The following CPD variants were observed in gnomAD, a reference collection of about 807,000 sequenced individuals.
CPD encodes metallocarboxypeptidase D.
Under a neutral mutation model 138.3 loss-of-function variants are expected in CPD, and 69 were observed. The ratio of observed to expected loss-of-function variants is 0.50; its 90% CI spans 0.41 to 0.61. The LOEUF (loss-of-function observed/expected upper bound fraction) is 0.61, where lower values mean the gene tolerates loss of function less well. CPD is among the 20% of genes least tolerant of loss of function. The pLI is 0.00. For synonymous variants in CPD, 651 were observed against 642.1 expected (o/e 1.01, Z -0.21); for missense variants, 1,432 against 1,733.3 (o/e 0.83, Z 3.09).
At chr17:30,460,757 C>A (rs767360573) in intron 17 of CPD, among the ~76,000 whole-genome samples, 1 of 152,118 alleles carries the variant, frequency 6.6e-6, no homozygotes, top group Non-Finnish European at 1.5e-5. Context: ...GATATTGTCA[C>A]CAGCAGGGGT....
At chr17:30,421,273 A>G (rs1912259818) in intron 3 of CPD, among the ~76,000 whole-genome samples, 2 of 152,150 alleles carry the variant, frequency 1.3e-5, no homozygotes, top group South Asian at 4.1e-4. Context: ...TTGTACTCTC[A>G]GGTTCTTACA....
rs139068259 is a variant in CPD, at chr17:30,448,837, G to A, written c.2874-716G>A. ...AAAAAGGGAGGGCCAGGGTGGTGGC[G>A]CATGCTGTAATCCCAGCACTTTGGG... On this transcript the variant is annotated intron_variant, in intron 12 of 20. Transcript: ENST00000225719. Among the ~76,000 whole-genome samples, 58 of 151,872 alleles carry A rather than the reference G, an allele frequency of 3.8e-4. 1 individual carries two copies. The East Asian group carries it at 9.1e-3, about 24-fold the overall frequency.
intron 10 of CPD, among the ~76,000 whole-genome samples, chr17:30,443,089 C>G (rs1387152630): frequency 6.6e-6 from 1 of 151,872 alleles, no homozygotes; most frequent in Non-Finnish European, 1.5e-5. Flanking sequence ...ATAATTATTC[C>G]TATACCTAGA....
intron 2 of CPD, among the ~76,000 whole-genome samples, chr17:30,416,843 C>T (rs192933425): frequency 2.6e-4 from 39 of 152,296 alleles, no homozygotes; most frequent in African/African-American, 9.1e-4. Context: ...TGGCTCACGC[C>T]TGTAATCCCA....
At chr17:30,462,178 C>A in intron 19 of CPD, 116 bp downstream of exon 19, 1 of 1,129,354 alleles carries the variant, frequency 8.9e-7, no homozygotes, top group Non-Finnish European at 1.2e-6. Context: ...AAAAGTGTGA[C>A]TGCCTCTTGA....
intron 9 of CPD, among the ~76,000 whole-genome samples, chr17:30,439,394 C>CTTTTTTTTTTTTT (rs71138889): frequency 4.8e-4 from 60 of 124,640 alleles, no homozygotes; most frequent in African/African-American, 6.5e-4. Flanking sequence ...ACGTTACTTT[C>CTTTTTTTTTTTTT]TTTTTTTTTT....
Position 30,461,191 on chromosome 17 carries a change from C to A in CPD, c.3510C>A (p.Val1170=). 1.3e-6 allele frequency: 2 copies of A among 1,597,354 alleles called. No individual in the cohort carries two copies. Among genetic ancestry groups the A allele is most frequent in the African/African-American group, 1.3e-5 (1 of 74,290 alleles). ...SHLGSMKDYS[V]TYGHCPEITV... ...ACTTTATATTCTAGGATTATAGTGT[C>A]ACCTATGGCCATTGTCCGGAAATCA... Residue 1170 remains valine, a synonymous_variant, in exon 18 of 21, where the codon GTC becomes GTA. Transcript: ENST00000225719.
At chr17:30,435,829 G>A (rs891988295) in intron 8 of CPD, among the ~76,000 whole-genome samples, 2 of 152,082 alleles carry the variant, frequency 1.3e-5, no homozygotes. Context: ...CTGAAACTGT[G>A]GAAGAATCCT....
At position 30,451,701 on chromosome 17, in the gene CPD, T is replaced by G; in HGVS notation, c.3070-10T>G. ...AGCTAGTAACTCGTTAATTTCTGTTTGTGCTTCAGTTGGTTGACAGGACTA... is the reference window on the plus strand; with the variant it reads ...AGCTAGTAACTCGTTAATTTCTGTTGGTGCTTCAGTTGGTTGACAGGACTA... On this transcript the variant is annotated splice_polypyrimidine_tract_variant and intron_variant, in intron 13 of 20. Transcript: ENST00000225719. 1 of 1,611,744 alleles carries G rather than the reference T, an allele frequency of 6.2e-7. No individual in the cohort carries two copies. The highest frequency in any genetic ancestry group is 2.2e-5 in the East Asian group (1 of 44,818).
At chr17:30,401,352 TCCTC>T (rs1311503645) in intron 2 of CPD, among the ~76,000 whole-genome samples, 1 of 151,526 alleles carries the variant, frequency 6.6e-6, no homozygotes, top group African/African-American at 2.4e-5. Flanking sequence ...TTCCTCCTCT[TCCTC>T]TTCTTCCTCC....
In CPD at chr17:30,451,749, A is replaced by G. The variant is rs773779253; in HGVS notation, c.3108A>G (p.Leu1036=). ...CTAGGATTGTGATTGTCCCTTCTCTAAATCCAGATGGGCGAGAGAGAGCTC... is the reference window on the plus strand; with the variant it reads ...CTAGGATTGTGATTGTCCCTTCTCTGAATCCAGATGGGCGAGAGAGAGCTC... ...DRTRIVIVPS[L]NPDGRERAQE... Residue 1036 remains leucine (L), a synonymous_variant, in exon 14 of 21, where the codon CTA becomes CTG. Transcript: ENST00000225719. 1 of 1,614,052 alleles carries G rather than the reference A, an allele frequency of 6.2e-7. No homozygotes were observed. Among genetic ancestry groups the G allele is most frequent in the South Asian group, 1.1e-5 (1 of 91,072 alleles).
At chr17:30,440,068 C>T (rs902661145) in intron 9 of CPD, among the ~76,000 whole-genome samples, 1 of 140,218 alleles carries the variant, frequency 7.1e-6, no homozygotes, top group African/African-American at 2.7e-5. Flanking sequence ...TCTCCTGCAC[C>T]TGTTGTTTCC....
rs780726436 is a variant in CPD, at chr17:30,421,752, A to G, written c.1226A>G (p.His409Arg). 1.5e-5 allele frequency: 24 copies of G among 1,613,012 alleles called. No individual in the cohort carries two copies. Among genetic ancestry groups the G allele is most frequent in the East Asian group, 2.2e-5 (1 of 44,860 alleles). The change falls in exon 4 of 21, where the codon CAT (histidine) becomes CGT (arginine). Residue 409 changes from histidine to arginine, a missense_variant. His to Arg is a conservative substitution (Grantham distance 29). Around this residue, in one of 6 missense-constraint regions of CPD, gnomAD observed 160 missense variants for 197.9 expected, o/e 0.81. Coordinates refer to ENST00000225719, the MANE Select transcript of CPD (RefSeq NM_001304.5). The stretch of plus-strand genomic sequence containing the variant: ...ACCATCTCAGTGGCTGGTATTAATC[A>G]TAATATCACAACAGGCAGATTTGGT... ...NATISVAGINHNITTGRFGDF... is the reference protein window; with the variant it reads ...NATISVAGINRNITTGRFGDF...
intron 7 of CPD, among the ~76,000 whole-genome samples, chr17:30,429,832 A>G (rs1912516047): frequency 6.6e-6 from 1 of 152,102 alleles, no homozygotes; most frequent in Admixed American, 6.6e-5. Context: ...GATGAGGGTT[A>G]TTTTACTAAG....
Position 30,462,356 on chromosome 17 carries a change from C to A in CPD, c.3817-14C>A. On this transcript the variant is annotated splice_polypyrimidine_tract_variant and intron_variant, in intron 19 of 20. Coordinates refer to ENST00000225719, the MANE Select transcript of CPD (RefSeq NM_001304.5). The stretch of plus-strand genomic sequence containing the variant: ...AGCAGAATTTGTCATGATTCTTACA[C>A]TTTCTCCTTCTAGGTCTTTGTGCAT... 6.2e-7 allele frequency: 1 copy of A among 1,600,724 alleles called. No individual in the cohort carries two copies. The highest frequency in any genetic ancestry group is 8.6e-7 in the Non-Finnish European group (1 of 1,168,394).
Position 30,422,951 on chromosome 17 carries a change from T to A in CPD, c.1585T>A (p.Leu529Met). 2 of 1,614,098 alleles carry A rather than the reference T, an allele frequency of 1.2e-6. No homozygotes were observed. Among genetic ancestry groups the A allele is most frequent in the Non-Finnish European group, 1.7e-6 (2 of 1,179,946 alleles). ...EYPNITRLYSLGKSVESRELY... is the reference protein window; with the variant it reads ...EYPNITRLYSMGKSVESRELY... ...TCCTAACATTACCCGGCTTTATTCC[T>A]TGGGAAAATCAGTAGAGTCAAGAGA... is the stretch of plus-strand genomic sequence containing the variant. The change falls in exon 5 of 21, where the codon TTG becomes ATG. Residue 529 changes from leucine (L) to methionine (M), a missense_variant. Physicochemically the swap from Leu to Met is conservative, Grantham distance 15. This residue lies in a region of CPD where 297 missense variants were observed against 405.3 expected (regional missense o/e 0.73). Transcript: ENST00000225719.
At chr17:30,419,402 C>G (rs1912204954) in intron 2 of CPD, among the ~76,000 whole-genome samples, 1 of 152,206 alleles carries the variant, frequency 6.6e-6, no homozygotes, top group Non-Finnish European at 1.5e-5. Flanking sequence ...TGCAGTGGCA[C>G]TATCTCTGCT....
At chr17:30,420,792 G>A in intron 2 of CPD, 49 bp from the exon 3 acceptor site, 1 of 1,520,040 alleles carries the variant, frequency 6.6e-7, no homozygotes, top group Non-Finnish European at 9.0e-7. Flanking sequence ...CTTTTGGAGG[G>A]TAGAATTATT....
rs1248743807 is a variant in CPD, at chr17:30,456,018, TTAGTGTGA to T, written c.3338-233_3338-226del. 3.8e-5 allele frequency: 18 copies of T among 474,136 alleles called. No homozygotes were observed. In the South Asian group the frequency reaches 4.7e-4, roughly 12 times the overall value. The allele number at this position is 474,136 out of a possible 1,614,324, so 29.4% of individuals were successfully genotyped here. On this transcript the variant is annotated intron_variant, in intron 15 of 20. Transcript: ENST00000225719. Reference sequence around the variant, plus strand: ...AGACATACCAAAACAAGTTTGTATTTTAGTGTGATAGTCTGTTGTGAAAACTCACCATT... The same window carrying T: ...AGACATACCAAAACAAGTTTGTATTTTAGTCTGTTGTGAAAACTCACCATT...
Sources: allele counts gnomAD v4.1 joint callset (sites outside exome capture counted in the v4.1 genomes callset), GRCh38; gene constraint gnomAD v4.1.1; regional missense constraint gnomAD v4.1.1; transcripts MANE v1.5; gene names NCBI Gene and HGNC (gene_info 2026-07-23, HGNC 2026-07-21).